TBC1D23: variants seen among roughly 807,000 people sequenced by gnomAD.
TBC1D23 encodes TBC1 domain family member 23.
Under a neutral mutation model 91.4 loss-of-function variants are expected in TBC1D23, and 55 were observed. That is an observed-to-expected ratio of 0.60 (90% CI 0.48 to 0.75). TBC1D23 has a LOEUF of 0.75. Ranked by LOEUF, TBC1D23 falls within the 30% of genes least tolerant of loss-of-function variation. The probability of loss-of-function intolerance (pLI) is 0.00; values close to 1 mark genes in which losing one functional copy is unlikely to be tolerated. For synonymous variants in TBC1D23, 289 were observed against 281.0 expected (o/e 1.03, Z -0.28); for missense variants, 725 against 836.1 (o/e 0.87, Z 1.64).
chr3:100,305,941 C>T (rs1331431950), intron 12 of TBC1D23, among the ~76,000 whole-genome samples: 3 of 152,004 alleles, frequency 2.0e-5, no homozygotes, highest in Admixed American at 6.5e-5. Context: ...ATAGTATAAC[C>T]CAGATTTTAG....
At chr3:100,270,121 T>A (rs2067588906) in intron 1 of TBC1D23, among the ~76,000 whole-genome samples, 1 of 152,228 alleles carries the variant, frequency 6.6e-6, no homozygotes, top group Non-Finnish European at 1.5e-5. Flanking sequence ...AACCTTGGAA[T>A]AGCCATCTGG....
chr3:100,272,567 A>G (rs1480501589), intron 1 of TBC1D23, among the ~76,000 whole-genome samples: 1 of 152,178 alleles, frequency 6.6e-6, no homozygotes, highest in African/African-American at 2.4e-5. Context: ...GAAAAGAAAA[A>G]GACACAGAGA....
At chr3:100,305,304 A>G (rs745738518) in intron 12 of TBC1D23, among the ~76,000 whole-genome samples, 1 of 152,164 alleles carries the variant, frequency 6.6e-6, no homozygotes, top group Non-Finnish European at 1.5e-5. Context: ...TGTTTAAAAA[A>G]TGTTAGCTAA....
chr3:100,270,509 C>T (rs2067591478), intron 1 of TBC1D23, among the ~76,000 whole-genome samples: 1 of 151,938 alleles, frequency 6.6e-6, no homozygotes, highest in Admixed American at 6.6e-5. Flanking sequence ...AGAGAGATGA[C>T]TTTTTGATGG....
chr3:100,322,292 A>G (rs1705873128), intron 18 of TBC1D23, among the ~76,000 whole-genome samples: 2 of 151,972 alleles, frequency 1.3e-5, no homozygotes, highest in Admixed American at 1.3e-4. Context: ...ATGGGGTTTC[A>G]CCGTGTTAGC....
intron 4 of TBC1D23, among the ~76,000 whole-genome samples, chr3:100,288,580 T>G (rs140208704): frequency 6.6e-6 from 1 of 152,372 alleles, no homozygotes; most frequent in Admixed American, 6.5e-5. Flanking sequence ...TAAAATGAAA[T>G]AACTTTGTAA....
At chr3:100,296,860 CA>C (rs71625559) in intron 8 of TBC1D23, among the ~76,000 whole-genome samples, 4,166 of 86,624 alleles carry the variant, frequency 0.048, 51 homozygotes, top group African/African-American at 0.07. Context: ...GACTCTGTCT[CA>C]AAAAAAAAAA....
Position 100,297,912 on chromosome 3 carries a change from C to A in TBC1D23, c.877-11C>A, listed in dbSNP as rs756353193. On this transcript the variant is annotated splice_polypyrimidine_tract_variant and intron_variant, in intron 8 of 18. Coordinates refer to ENST00000394144, the MANE Select transcript of TBC1D23 (RefSeq NM_001199198.3). ...TTTTTTCATAATGTTTAAAAATTTC[C>A]CTTCAAACAGGATAATCACCATCTC... 1.6e-5 allele frequency: 25 copies of A among 1,572,818 alleles called. No individual in the cohort carries two copies. The highest frequency in any genetic ancestry group is 2.1e-5 in the Non-Finnish European group (24 of 1,158,872).
chr3:100,304,765 AT>A, intron 11 of TBC1D23, 80 bp from the exon 12 acceptor site: 1 of 747,368 alleles, frequency 1.3e-6, no homozygotes. Flanking sequence ...TTGGTATTGT[AT>A]TTATCAGTGT....
intron 5 of TBC1D23, among the ~76,000 whole-genome samples, chr3:100,291,115 G>T (rs1052703904): frequency 2.0e-5 from 3 of 152,110 alleles, no homozygotes; most frequent in African/African-American, 4.8e-5. Flanking sequence ...ATGACTTAAG[G>T]TTATCAAATG....
At chr3:100,266,865 G>A (rs1032363682) in intron 1 of TBC1D23, among the ~76,000 whole-genome samples, 3 of 152,198 alleles carry the variant, frequency 2.0e-5, no homozygotes, top group African/African-American at 7.2e-5. Flanking sequence ...CTGATGCACA[G>A]TGCTGAAATG....
intron 16 of TBC1D23, 95 bp downstream of exon 16, chr3:100,316,282 A>G: frequency 2.3e-6 from 2 of 854,160 alleles, no homozygotes; most frequent in African/African-American, 1.7e-5. Flanking sequence ...CTTTTTTAAA[A>G]AAATGAGATT....
At chr3:100,268,200 T>TA (rs2067572529) in intron 1 of TBC1D23, among the ~76,000 whole-genome samples, 1 of 152,144 alleles carries the variant, frequency 6.6e-6, no homozygotes, top group Admixed American at 6.5e-5. Context: ...ATTTTTCCTT[T>TA]AAACAGTTTC....
intron 5 of TBC1D23, among the ~76,000 whole-genome samples, chr3:100,293,233 A>C (rs954483506): frequency 6.6e-6 from 1 of 152,110 alleles, no homozygotes; most frequent in Non-Finnish European, 1.5e-5. Context: ...TCCTGGGTTC[A>C]CGCCATTCTT....
rs115717822 is a variant in TBC1D23 at position 100,294,652 on chromosome 3, C to T, written c.601-435C>T. ...TTTATTAGCTGCTCTTAAATTACCA[C>T]GTTTGATCCTCACAATTACCTTGTA... On this transcript the variant is annotated intron_variant, in intron 5 of 18. Transcript: ENST00000394144. Among the ~76,000 whole-genome samples, 714 of 152,226 alleles carry T rather than the reference C, an allele frequency of 4.7e-3. 2 individuals carry two copies. Among genetic ancestry groups the T allele is most frequent in the Non-Finnish European group, 6.4e-3 (433 of 68,018 alleles).
intron 5 of TBC1D23, among the ~76,000 whole-genome samples, chr3:100,292,536 C>T (rs1388134409): frequency 1.3e-5 from 2 of 152,276 alleles, no homozygotes; most frequent in African/African-American, 4.8e-5. Flanking sequence ...CACTTCTGGG[C>T]TCATTAAATC....
intron 17 of TBC1D23, among the ~76,000 whole-genome samples, chr3:100,319,997 C>G (rs1705821514): frequency 6.6e-6 from 1 of 151,946 alleles, no homozygotes. Flanking sequence ...TTTCAGTGTC[C>G]CCAAAGTATC....
chr3:100,302,158 G>A lies in TBC1D23; in HGVS notation c.1184G>A (p.Gly395Glu), dbSNP rs1705445423. ...ATTGAGTCTGGCTCCATAGCTGGTG[G>A]GGAGCACCTCTGTTTTATGGGCAGT... is the stretch of plus-strand genomic sequence containing the variant. ...QSIESGSIAGGEHLCFMGSGR... is the reference protein window; with the variant it reads ...QSIESGSIAGEEHLCFMGSGR... The change falls in exon 11 of 19, where the codon GGG (glycine) becomes GAG (glutamate). Residue 395 changes from glycine (G) to glutamate (E), a missense_variant. By Grantham distance (98) the Gly-to-Glu change is moderately conservative. Transcript: ENST00000394144. 1 of 1,613,736 alleles carries A rather than the reference G, an allele frequency of 6.2e-7. No homozygotes were observed.
chr3:100,295,148 A>G lies in TBC1D23; in HGVS notation c.662A>G (p.Tyr221Cys). 1 of 1,606,776 alleles carries G rather than the reference A, an allele frequency of 6.2e-7. No homozygotes were observed. Among genetic ancestry groups the G allele is most frequent in the Non-Finnish European group, 8.5e-7 (1 of 1,176,772 alleles). ...TEVTQAIWDGYLQQADPFFIY... is the reference protein window; with the variant it reads ...TEVTQAIWDGCLQQADPFFIY... ...GTCACTCAGGCAATATGGGATGGAT[A>G]TCTACAACAAGCAGATCCATTTTTT... Residue 221 changes from tyrosine (Y) to cysteine (C), a missense_variant, in exon 6 of 19, where the codon TAT becomes TGT. Transcript: ENST00000394144.
Sources: allele counts gnomAD v4.1 joint callset (sites outside exome capture counted in the v4.1 genomes callset), GRCh38; gene constraint gnomAD v4.1.1; transcripts MANE v1.5; gene names NCBI Gene and HGNC (gene_info 2026-07-23, HGNC 2026-07-21).